Variants in FAM13A observed in about 807,000 individuals in gnomAD.
FAM13A encodes the protein protein FAM13A.
FAM13A carries 76 observed loss-of-function variants against 129.6 expected under a neutral mutation model. That is an observed-to-expected ratio of 0.59 (90% CI 0.49 to 0.71). The LOEUF (loss-of-function observed/expected upper bound fraction) is 0.71. Among genes scored for constraint, FAM13A ranks in the 30% least tolerant of loss-of-function variants. FAM13A has a pLI of 0.00. For missense variants in FAM13A, 1,108 were observed against 1,249.3 expected, an observed-to-expected ratio of 0.89 and a Z score of 1.70; for synonymous variants, 443 against 449.9, an observed-to-expected ratio of 0.98 and a Z score of 0.20.
At chr4:88,763,089 A>T (rs76994560) in intron 13 of FAM13A, among the ~76,000 whole-genome samples, 167 of 152,328 alleles carry the variant, frequency 1.1e-3, no homozygotes, top group African/African-American at 3.6e-3. Context: ...TTTAGATACT[A>T]GCTTTACTAG....
intron 7 of FAM13A, among the ~76,000 whole-genome samples, chr4:88,807,074 C>G (rs1389883074): frequency 3.3e-5 from 5 of 152,150 alleles, no homozygotes; most frequent in African/African-American, 1.2e-4. Context: ...GTACTACATA[C>G]TTTCTTTGCC....
chr4:88,952,589 G>A (rs777592897), intron 4 of FAM13A, among the ~76,000 whole-genome samples: 1 of 152,164 alleles, frequency 6.6e-6, no homozygotes, highest in African/African-American at 2.4e-5. Context: ...TCTGTACTAC[G>A]TATAGGTACA....
chr4:88,939,528 C>T (rs1018075267), intron 4 of FAM13A, among the ~76,000 whole-genome samples: 9 of 152,162 alleles, frequency 5.9e-5, no homozygotes, highest in Non-Finnish European at 1.2e-4. Context: ...GTAACATTTA[C>T]GCATTCCAGG....
At chr4:88,899,940 C>T (rs573834793) in intron 6 of FAM13A, among the ~76,000 whole-genome samples, 1 of 152,198 alleles carries the variant, frequency 6.6e-6, no homozygotes, top group East Asian at 1.9e-4. Flanking sequence ...AGGAACATAA[C>T]TGACCTGATG....
At position 88,726,300 on chromosome 4, in the gene FAM13A, A is replaced by AAGAAGTTAGTT. The variant is rs1553950017; in HGVS notation, c.*2232_*2233insAACTAACTTCT. On this transcript the variant is annotated 3_prime_UTR_variant, in exon 24 of 24. Transcript: ENST00000264344. ...CTGGGCTCCATTCCATGAAGAATAT[A>AAGAAGTTAGTT]AGTTAGTTAGTTAGTTAGTGGAAAT... 2.6e-5 allele frequency: 2 copies of AAGAAGTTAGTT among 75,946 alleles called. No homozygotes were observed. Among genetic ancestry groups the AAGAAGTTAGTT allele is most frequent in the South Asian group, 4.8e-4 (1 of 2,078 alleles). 4.7% of individuals were successfully genotyped at this position (75,946 alleles called of 1,614,324 possible). A position where few individuals can be genotyped will look rare whatever the true frequency, so the allele number is the denominator to read the frequency against.
intron 4 of FAM13A, among the ~76,000 whole-genome samples, chr4:88,973,265 T>C (rs1049647896): frequency 9.9e-5 from 15 of 152,146 alleles, no homozygotes; most frequent in African/African-American, 3.6e-4. Flanking sequence ...TTTCTTCTAC[T>C]TCTGGGATTC....
At chr4:88,905,989 G>A (rs1187688968) in intron 6 of FAM13A, among the ~76,000 whole-genome samples, 1 of 152,110 alleles carries the variant, frequency 6.6e-6, no homozygotes, top group African/African-American at 2.4e-5. Context: ...AAATAGGAGA[G>A]CATCAAGAAA....
At chr4:88,998,805 CTTCT>C (rs936529931) in intron 3 of FAM13A, among the ~76,000 whole-genome samples, 2 of 152,138 alleles carry the variant, frequency 1.3e-5, no homozygotes, top group African/African-American at 4.8e-5. Flanking sequence ...ACTGGAATCA[CTTCT>C]TTGGAGTGAT....
rs180742412 is a variant in FAM13A, at chr4:88,873,433, A to G, written c.844-22250T>C. 2.8e-3 allele frequency among the ~76,000 whole-genome samples: 432 copies of G among 152,350 alleles called. 3 individuals carry two copies. Among genetic ancestry groups the G allele is most frequent in the African/African-American group, 9.6e-3 (401 of 41,582 alleles). On this transcript the variant is annotated intron_variant, in intron 6 of 23. Transcript: ENST00000264344. The stretch of plus-strand genomic sequence containing the variant: ...AAGAAAAGAGAGAAGAATCAAATAG[A>G]TGCAACAAAAAATGATAAAGGGGAT...
intron 3 of FAM13A, chr4:89,008,968 A>G (rs1765400270): frequency 6.6e-6 from 1 of 152,194 alleles, no homozygotes; most frequent in African/African-American, 2.4e-5. Context: ...TTACTCATCC[A>G]TTTAAAATGA....
chr4:88,925,368 T>C (rs1262089184), intron 5 of FAM13A, among the ~76,000 whole-genome samples: 1 of 152,168 alleles, frequency 6.6e-6, no homozygotes, highest in African/African-American at 2.4e-5. Context: ...CGGAATACTA[T>C]GCAGCCATAA....
Position 88,750,481 on chromosome 4 carries a change from T to A in FAM13A, c.1883A>T (p.Gln628Leu), listed in dbSNP as rs1742331668. Residue 628 changes from glutamine (Q) to leucine (L), a missense_variant, in exon 15 of 24, where the codon CAA (glutamine) becomes CTA (leucine). Physicochemically the swap from Gln to Leu is moderately radical, Grantham distance 113. Around this residue, in one of 3 missense-constraint regions of FAM13A, gnomAD observed 529 missense variants for 621.2 expected, o/e 0.85. Transcript: ENST00000264344. ...AGGCACTTCTGTGTCATCCAGGTAT[T>A]GCCTGCTCTGCCCATAAGCGTAGAA... ...PRFYAYGQSR[Q>L]YLDDTEVPPS... The A allele has an allele frequency of 6.2e-7, 1 of 1,614,168 alleles. No homozygotes were observed. The highest frequency in any genetic ancestry group is 8.5e-7 in the Non-Finnish European group (1 of 1,180,020).
intron 6 of FAM13A, chr4:88,855,305 T>C (rs565833861): frequency 3.9e-5 from 6 of 152,254 alleles, no homozygotes; most frequent in African/African-American, 9.6e-5. Flanking sequence ...TCTAGAAACA[T>C]AGCCTTAGGA....
intron 3 of FAM13A, among the ~76,000 whole-genome samples, chr4:88,997,834 A>G (rs1272589673): frequency 2.6e-5 from 4 of 152,308 alleles, no homozygotes; most frequent in Admixed American, 2.6e-4. Flanking sequence ...TCATGGTGCC[A>G]GATTTGTCAA....
In FAM13A at chr4:88,767,947, C is replaced by G. The variant is rs749513434; in HGVS notation, c.1535+36G>C. On this transcript the variant is annotated intron_variant, in intron 12 of 23. Coordinates refer to ENST00000264344, the MANE Select transcript of FAM13A (RefSeq NM_014883.4). Reference sequence around the variant, plus strand: ...TACATGAAAATAACCTTTTCCTGCCCTTGGAAAGAATATTAGGAGACAATT... The same window carrying G: ...TACATGAAAATAACCTTTTCCTGCCGTTGGAAAGAATATTAGGAGACAATT... The G allele has an allele frequency of 8.5e-6, 11 of 1,298,574 alleles. No homozygotes were observed. In the South Asian group the frequency reaches 1.3e-4, roughly 16 times the overall value. The allele number at this position is 1,298,574 out of a possible 1,614,324, so 80.4% of individuals were successfully genotyped here.
chr4:88,768,281 A>T, intron 11 of FAM13A: 1 of 362,256 alleles, frequency 2.8e-6, no homozygotes, highest in Non-Finnish European at 5.0e-6. Flanking sequence ...TAACAAACAT[A>T]TGTGACAGCA....
chr4:88,993,992 A>G (rs899753448), intron 3 of FAM13A, among the ~76,000 whole-genome samples: 3 of 147,336 alleles, frequency 2.0e-5, no homozygotes, highest in African/African-American at 7.4e-5. Context: ...CCCTGCCTCA[A>G]AAAAAAAAAA....
At chr4:88,814,806 C>A (rs1730382743) in intron 7 of FAM13A, among the ~76,000 whole-genome samples, 1 of 151,596 alleles carries the variant, frequency 6.6e-6, no homozygotes, top group South Asian at 2.1e-4. Flanking sequence ...CAGTTCAATT[C>A]TTTATTTTTA....
chr4:89,014,527 C>T (rs995759556), intron 3 of FAM13A, among the ~76,000 whole-genome samples: 16 of 152,040 alleles, frequency 1.1e-4, no homozygotes, highest in African/African-American at 2.7e-4. Context: ...TCAGGGATCC[C>T]GAATGGAGGG....
Sources: allele counts gnomAD v4.1 joint callset (sites outside exome capture counted in the v4.1 genomes callset), GRCh38; gene constraint gnomAD v4.1.1; regional missense constraint gnomAD v4.1.1; transcripts MANE v1.5; gene names NCBI Gene and HGNC (gene_info 2026-07-23, HGNC 2026-07-21).